Variants in SART1 observed in about 807,000 individuals in gnomAD.
SART1 encodes the protein spliceosome associated factor 1, recruiter of U4/U6.U5 tri-snRNP.
SART1 carries 28 observed loss-of-function variants against 105.0 expected under a neutral mutation model. The observed-to-expected ratio is 0.27, with a 90% CI of 0.20 to 0.37. The LOEUF (loss-of-function observed/expected upper bound fraction) is 0.37, where lower values mean the gene tolerates loss of function less well. Among genes scored for constraint, SART1 ranks in the 10% least tolerant of loss-of-function variants. The probability of loss-of-function intolerance (pLI) is 1.00; values close to 1 mark genes in which losing one functional copy is unlikely to be tolerated. For missense variants in SART1, 894 were observed against 1,106.5 expected, an observed-to-expected ratio of 0.81 and a Z score of 2.72; for synonymous variants, 472 against 462.9, an observed-to-expected ratio of 1.02 and a Z score of -0.25.
Position 65,977,866 on chromosome 11 carries a change from G to C in SART1, c.2139G>C (p.Val713=), listed in dbSNP as rs1273100154. 1.9e-6 allele frequency: 3 copies of C among 1,613,430 alleles called. No homozygotes were observed. The highest frequency in any genetic ancestry group is 2.5e-6 in the Non-Finnish European group (3 of 1,179,838). Residue 713 remains valine, a synonymous_variant, in exon 17 of 20, where the codon GTG becomes GTC. Coordinates refer to ENST00000312397, the MANE Select transcript of SART1 (RefSeq NM_005146.5). ...GYKPDVKIEY[V]DETGRKLTPK... Reference sequence around the variant, plus strand: ...AACCCGACGTTAAGATCGAATACGTGGATGAGACGGGCCGGAAACTCACAC... The same window carrying C: ...AACCCGACGTTAAGATCGAATACGTCGATGAGACGGGCCGGAAACTCACAC...
rs372409677 is a variant in SART1, at chr11:65,979,191, CACAA to C, written c.*166_*169del. 699 of 859,124 alleles carry C rather than the reference CACAA, an allele frequency of 8.1e-4. 1 individual carries two copies. The highest frequency in any genetic ancestry group is 2.6e-3 in the Middle Eastern group (11 of 4,170). 53.2% of individuals were successfully genotyped at this position (859,124 alleles called of 1,614,324 possible). A position where few individuals can be genotyped will look rare whatever the true frequency, so the allele number is the denominator to read the frequency against. On this transcript the variant is annotated 3_prime_UTR_variant, in exon 20 of 20. Transcript: ENST00000312397. Reference sequence around the variant, plus strand: ...TAGGTGAGACCTGGCCATCAAATGACACAAACAACTAAACGATGGAAGAGAGAGC... The same window carrying C: ...TAGGTGAGACCTGGCCATCAAATGACACAACTAAACGATGGAAGAGAGAGC...
At chr11:65,969,667 C>T (rs1373249084) in intron 12 of SART1, among the ~76,000 whole-genome samples, 3 of 152,182 alleles carry the variant, frequency 2.0e-5, no homozygotes, top group African/African-American at 7.2e-5. Flanking sequence ...CTCTCGCCTC[C>T]ACCTCCCAAA....
intron 15 of SART1, 140 bp downstream of exon 15, chr11:65,977,241 T>G: frequency 1.5e-6 from 1 of 655,174 alleles, no homozygotes; most frequent in East Asian, 2.7e-5. Flanking sequence ...GAGCCACTCC[T>G]TCCCCTCCAC....
Position 65,979,383 on chromosome 11 carries a change from G to A in SART1, c.*353G>A, listed in dbSNP as rs753894188. On this transcript the variant is annotated 3_prime_UTR_variant, in exon 20 of 20. Transcript: ENST00000312397. ...AGGTCACTGTCCTGTAATGTCTCCC[G>A]GTCAGGGCAGCCCAGGACTGCCCAG... 102 of 378,022 alleles carry A rather than the reference G, an allele frequency of 2.7e-4. No individual in the cohort carries two copies. The highest frequency in any genetic ancestry group is 7.9e-4 in the Middle Eastern group (1 of 1,270). The allele number at this position is 378,022 out of a possible 1,614,324, so 23.4% of individuals were successfully genotyped here.
At chr11:65,977,950 A>C (rs1855518251) in intron 17 of SART1, 51 bp downstream of exon 17, 1 of 1,582,446 alleles carries the variant, frequency 6.3e-7, no homozygotes, top group African/African-American at 1.3e-5. Flanking sequence ...AGGGAGGCCA[A>C]GCCCAGGGCC....
Position 65,964,504 on chromosome 11 carries a change from CTTG to C in SART1, c.372-6_372-4del, listed in dbSNP as rs777944294. On this transcript the variant is annotated splice_region_variant and splice_polypyrimidine_tract_variant and intron_variant, in intron 2 of 19. Coordinates refer to ENST00000312397, the MANE Select transcript of SART1 (RefSeq NM_005146.5). ...TTAATAGCCCCTAACACTTGTATCT[CTTG>C]TTGTCAGCAAACTCCGGGCAAAGTT... The C allele has an allele frequency of 5.0e-6, 8 of 1,612,872 alleles. No homozygotes were observed. Among genetic ancestry groups the C allele is most frequent in the Admixed American group, 1.7e-5 (1 of 59,534 alleles).
At chr11:65,963,914 C>A in intron 1 of SART1, 160 bp from the exon 2 acceptor site, 1 of 638,646 alleles carries the variant, frequency 1.6e-6, no homozygotes. Context: ...GGCAGAGGAG[C>A]TGCTGGGGAG....
At position 65,965,922 on chromosome 11, in the gene SART1, C is replaced by T. The variant is rs688862; in HGVS notation, c.774C>T (p.Thr258=). 791,497 of 1,613,600 alleles carry T rather than the reference C, an allele frequency of 0.49. 200,069 individuals are homozygous for T. Among genetic ancestry groups the T allele is most frequent in the Middle Eastern group, 0.59 (3,566 of 6,060 alleles). Residue 258 remains threonine (T), a synonymous_variant, in exon 7 of 20, where the codon ACC becomes ACT. Coordinates refer to ENST00000312397, the MANE Select transcript of SART1 (RefSeq NM_005146.5). ...GTGCCCGGGACCTGCAGGGCCTCAC[C>T]GTGGAGCATGCCATTGATTCCTTCC... ...LYSARDLQGL[T]VEHAIDSFRE...
At position 65,979,335 on chromosome 11, in the gene SART1, T is replaced by TGA. The variant is rs1855545886; in HGVS notation, c.*305_*306insGA. ...GTTTTAGAAACTCATCACCCTGCTC[T>TGA]CTCCTGGCCTCGGGGGCTGCACAGG... is the stretch of plus-strand genomic sequence containing the variant. On this transcript the variant is annotated 3_prime_UTR_variant, in exon 20 of 20. Coordinates refer to ENST00000312397, the MANE Select transcript of SART1 (RefSeq NM_005146.5). 2 of 518,122 alleles carry TGA rather than the reference T, an allele frequency of 3.9e-6. No homozygotes were observed. The highest frequency in any genetic ancestry group is 3.5e-5 in the East Asian group (1 of 28,974). 32.1% of individuals were successfully genotyped at this position (518,122 alleles called of 1,614,324 possible). A position where few individuals can be genotyped will look rare whatever the true frequency, so the allele number is the denominator to read the frequency against.
chr11:65,963,469 G>A (rs574591665), intron 1 of SART1, among the ~76,000 whole-genome samples: 1 of 151,812 alleles, frequency 6.6e-6, no homozygotes, highest in African/African-American at 2.4e-5. Context: ...AGGAAAGGAA[G>A]AGTTTTTTTT....
At position 65,965,879 on chromosome 11, in the gene SART1, TC is replaced by T. The variant is rs1855242144; in HGVS notation, c.739-5del. On this transcript the variant is annotated splice_region_variant and splice_polypyrimidine_tract_variant and intron_variant, in intron 6 of 19. Transcript: ENST00000312397. ...GGGAGGTTCCTGACTCGCCGATTCT[TC>T]CCTTAGGACCTGTACAGTGCCCGGG... 1.2e-6 allele frequency: 2 copies of T among 1,613,862 alleles called. No homozygotes were observed. The highest frequency in any genetic ancestry group is 1.7e-5 in the Admixed American group (1 of 59,976).
intron 12 of SART1, among the ~76,000 whole-genome samples, chr11:65,970,703 A>C (rs1590639025): frequency 6.7e-6 from 1 of 150,030 alleles, no homozygotes; most frequent in South Asian, 2.1e-4. Flanking sequence ...GAGCAGATAC[A>C]CCCTGGGAGA....
chr11:65,965,133 A>G lies in SART1; in HGVS notation c.469A>G (p.Asn157Asp). The change falls in exon 4 of 20, where the codon AAC becomes GAC. Residue 157 changes from asparagine (N) to aspartate (D), a missense_variant. Asn to Asp is a conservative substitution (Grantham distance 23). Around this residue, in one of 2 missense-constraint regions of SART1, gnomAD observed 712 missense variants for 778.2 expected, o/e 0.91. Coordinates refer to ENST00000312397, the MANE Select transcript of SART1 (RefSeq NM_005146.5). ...GGAGCCCGTGACAGCTGATGTCATC[A>G]ACCCTATGGCCTTGCGACAGCGAGA... ...KEEPVTADVI[N>D]PMALRQREEL... 6.3e-7 allele frequency: 1 copy of G among 1,596,732 alleles called. No homozygotes were observed. Among genetic ancestry groups the G allele is most frequent in the South Asian group, 1.1e-5 (1 of 89,218 alleles).
chr11:65,977,630 C>T lies in SART1; in HGVS notation c.2013C>T (p.Ala671=), dbSNP rs373569431. ...VKAPNKSLPS[A]VYCIEDKMAI... Reference sequence around the variant, plus strand: ...CCCCCAACAAGTCGCTGCCCTCAGCCGTGTACTGCATCGAGGATAAGATGT... The same window carrying T: ...CCCCCAACAAGTCGCTGCCCTCAGCTGTGTACTGCATCGAGGATAAGATGT... Residue 671 remains alanine, a synonymous_variant, in exon 16 of 20, where the codon GCC becomes GCT. Transcript: ENST00000312397. 145 of 1,613,880 alleles carry T rather than the reference C, an allele frequency of 9.0e-5. No homozygotes were observed. The highest frequency in any genetic ancestry group is 1.1e-4 in the Non-Finnish European group (129 of 1,179,984).
At chr11:65,974,386 A>AAC (rs1305388859) in intron 12 of SART1, among the ~76,000 whole-genome samples, 2 of 149,746 alleles carry the variant, frequency 1.3e-5, no homozygotes, top group Non-Finnish European at 3.0e-5. Context: ...AAAAAAAAAA[A>AAC]AAAAACCATA....
chr11:65,964,502 C>G lies in SART1; in HGVS notation c.372-13C>G. The stretch of plus-strand genomic sequence containing the variant: ...CTTTAATAGCCCCTAACACTTGTAT[C>G]TCTTGTTGTCAGCAAACTCCGGGCA... On this transcript the variant is annotated splice_polypyrimidine_tract_variant and intron_variant, in intron 2 of 19. Coordinates refer to ENST00000312397, the MANE Select transcript of SART1 (RefSeq NM_005146.5). The G allele has an allele frequency of 1.2e-6, 2 of 1,612,908 alleles. No individual in the cohort carries two copies. The highest frequency in any genetic ancestry group is 1.7e-6 in the Non-Finnish European group (2 of 1,179,680).
chr11:65,977,714 C>T lies in SART1; in HGVS notation c.2037-50C>T, dbSNP rs780882465. 4.3e-6 allele frequency: 7 copies of T among 1,613,692 alleles called. No homozygotes were observed. In the Admixed American group the frequency reaches 1.2e-4, roughly 27 times the overall value. ...CTGTGCCAGCTTGGAGCTTCGGGAC[C>T]ACAGCAGGCGGCAGCTCCTCACACT... On this transcript the variant is annotated intron_variant, in intron 16 of 19. Coordinates refer to ENST00000312397, the MANE Select transcript of SART1 (RefSeq NM_005146.5).
At chr11:65,970,498 G>A (rs1855352484) in intron 12 of SART1, among the ~76,000 whole-genome samples, 1 of 152,156 alleles carries the variant, frequency 6.6e-6, no homozygotes, top group Non-Finnish European at 1.5e-5. Context: ...TGCAAGTGGA[G>A]GGTGGGCTTG....
In SART1 at chr11:65,976,803, G is replaced by A. The variant is rs1382737675; in HGVS notation, c.1857+37G>A. The A allele has an allele frequency of 6.5e-7, 1 of 1,537,158 alleles. No individual in the cohort carries two copies. The highest frequency in any genetic ancestry group is 2.4e-5 in the East Asian group (1 of 42,154). The stretch of plus-strand genomic sequence containing the variant: ...GCCGCTGGGGGGTGGGCGTTTGGGG[G>A]TGCTCAAGCTGGAGATGAGCACCGG... On this transcript the variant is annotated intron_variant, in intron 14 of 19. Coordinates refer to ENST00000312397, the MANE Select transcript of SART1 (RefSeq NM_005146.5). The surrounding 1 kb of genome is among the most constrained non-coding windows in gnomAD (Gnocchi z 5.1).
Sources: gnomAD v4.1 joint callset for allele counts (sites outside exome capture counted in the v4.1 genomes callset) on GRCh38, gnomAD v4.1.1 for gene constraint, gnomAD v4.1.1 regional missense constraint, Gnocchi (gnomAD v3.1) non-coding constraint, MANE v1.5 for transcripts, NCBI Gene and HGNC (gene_info 2026-07-23, HGNC 2026-07-21) for gene names.